Variants in TLN2 observed in about 807,000 individuals in gnomAD.
TLN2 encodes the protein talin-2.
TLN2 carries 118 observed loss-of-function variants against 294.7 expected under a neutral mutation model. That is an observed-to-expected ratio of 0.40 (90% CI 0.34 to 0.47). The LOEUF is 0.47. TLN2 is among the 20% of genes least tolerant of loss of function. The pLI, the probability that TLN2 is intolerant of heterozygous loss-of-function variation, is 0.84. For missense variants in TLN2, 3,083 were observed against 3,282.2 expected, an observed-to-expected ratio of 0.94 and a Z score of 1.48; for synonymous variants, 1,431 against 1,304.5, an observed-to-expected ratio of 1.10 and a Z score of -2.09.
Position 62,805,654 on chromosome 15 carries a change from AG to A in TLN2, c.6534del (p.Met2179Ter). On this transcript the variant is annotated frameshift_variant, in exon 51 of 59. Coordinates refer to ENST00000636159, the MANE Select transcript of TLN2 (RefSeq NM_015059.3). LOFTEE classifies it high-confidence loss of function. The stretch of plus-strand genomic sequence containing the variant: ...GACATCATCACCTGAAGAATCCATA[AG>A]GATGACGAAAGGCATCACCATGGCA... ...EKTSSPEESI[R>X]MTKGITMATA... is the part of the protein sequence containing the mutation. 3.1e-6 allele frequency: 5 copies of A among 1,614,164 alleles called. No homozygotes were observed. Among genetic ancestry groups the A allele is most frequent in the Non-Finnish European group, 4.2e-6 (5 of 1,179,994 alleles).
At chr15:62,418,762 G>A (rs1303801197) in intron 1 of TLN2, among the ~76,000 whole-genome samples, 1 of 152,210 alleles carries the variant, frequency 6.6e-6, no homozygotes, top group East Asian at 1.9e-4. Context: ...CATTCTCAAG[G>A]GTGGGGAGAA....
At chr15:62,625,098 C>T (rs2049162695) in intron 3 of TLN2, among the ~76,000 whole-genome samples, 1 of 152,034 alleles carries the variant, frequency 6.6e-6, no homozygotes, top group African/African-American at 2.4e-5. Flanking sequence ...CTGATGTGAG[C>T]GTATTGGTGG....
At chr15:62,717,378 C>T (rs1339632312) in intron 23 of TLN2, among the ~76,000 whole-genome samples, 198 bp from the exon 24 acceptor site, 1 of 152,154 alleles carries the variant, frequency 6.6e-6, no homozygotes, top group Non-Finnish European at 1.5e-5. Context: ...GTCTTTGTCA[C>T]TTGTCTCAGA....
chr15:62,582,240 ACACACACAT>A (rs2045162690), intron 1 of TLN2, among the ~76,000 whole-genome samples: 1 of 145,048 alleles, frequency 6.9e-6, no homozygotes, highest in Non-Finnish European at 1.5e-5. Context: ...ACACACACAC[ACACACACAT>A]TCATGCCTGA....
At chr15:62,656,496 C>T (rs1029048982) in intron 8 of TLN2, among the ~76,000 whole-genome samples, 1 of 152,200 alleles carries the variant, frequency 6.6e-6, no homozygotes, top group Non-Finnish European at 1.5e-5. Context: ...AATAACCTTT[C>T]ATGTCTTTAC....
At chr15:62,391,336 C>CG (rs2032070146) in intron 1 of TLN2, among the ~76,000 whole-genome samples, 1 of 152,156 alleles carries the variant, frequency 6.6e-6, no homozygotes, top group Non-Finnish European at 1.5e-5. Context: ...CGCTGAGCGA[C>CG]GGGGGCAGTG....
At chr15:62,402,023 A>G (rs904562154) in intron 1 of TLN2, among the ~76,000 whole-genome samples, 1 of 152,218 alleles carries the variant, frequency 6.6e-6, no homozygotes, top group African/African-American at 2.4e-5. Flanking sequence ...CCAAAATGTC[A>G]GTAGTCCCAG....
chr15:62,701,066 C>G (rs1442429635), intron 16 of TLN2, 40 bp from the exon 17 acceptor site: 1 of 1,566,308 alleles, frequency 6.4e-7, no homozygotes, highest in South Asian at 1.1e-5. Flanking sequence ...CTGGGTAATT[C>G]TGTGCTGTGA....
At chr15:62,833,225 G>A (rs1170791538) in intron 54 of TLN2, 2 of 374,596 alleles carry the variant, frequency 5.3e-6, no homozygotes, top group Non-Finnish European at 9.7e-6. Context: ...AACTATTGCT[G>A]TGCCTGGCCA....
intron 3 of TLN2, chr15:62,645,132 A>ATC (rs2051675097): frequency 6.5e-6 from 1 of 153,638 alleles, no homozygotes. Flanking sequence ...TAGTCCATTT[A>ATC]TCTCTAGAGT....
At chr15:62,816,087 C>T (rs558600429) in intron 52 of TLN2, among the ~76,000 whole-genome samples, 1 of 152,342 alleles carries the variant, frequency 6.6e-6, no homozygotes, top group East Asian at 1.9e-4. Context: ...TAGTTAGAAC[C>T]TTTTGGTATT....
intron 30 of TLN2, 49 bp from the exon 31 acceptor site, chr15:62,739,299 C>T: frequency 1.9e-6 from 3 of 1,567,792 alleles, no homozygotes; most frequent in Non-Finnish European, 2.6e-6. Context: ...TTTTATCCCT[C>T]CCCTGCAAAG....
At chr15:62,679,160 A>G (rs2141021446) in intron 11 of TLN2, among the ~76,000 whole-genome samples, 1 of 152,270 alleles carries the variant, frequency 6.6e-6, no homozygotes, top group African/African-American at 2.4e-5. Context: ...TGGAACCCCC[A>G]TAACCTGCTG....
Position 62,836,181 on chromosome 15 carries a change from GCCAGCCCTGT to G in TLN2, c.7374+112_7374+121del, listed in dbSNP as rs1173048593. The G allele has an allele frequency of 8.2e-6, 12 of 1,464,538 alleles. No individual in the cohort carries two copies. The Admixed American group carries it at 2.4e-4, about 29-fold the overall frequency. 90.7% of individuals were successfully genotyped at this position (1,464,538 alleles called of 1,614,324 possible). A position where few individuals can be genotyped will look rare whatever the true frequency, so the allele number is the denominator to read the frequency against. On this transcript the variant is annotated intron_variant, in intron 57 of 58. Coordinates refer to ENST00000636159, the MANE Select transcript of TLN2 (RefSeq NM_015059.3). The stretch of plus-strand genomic sequence containing the variant: ...GCATGACCCACCAGGCCTTCCATCA[GCCAGCCCTGT>G]CCACGTTCCAGCCTCATCTACTGCG...
intron 7 of TLN2, among the ~76,000 whole-genome samples, chr15:62,653,773 C>T (rs951529150): frequency 6.6e-6 from 1 of 151,398 alleles, no homozygotes; most frequent in Non-Finnish European, 1.5e-5. Flanking sequence ...AATTGTAATA[C>T]CATTTCACAT....
chr15:62,695,197 T>C (rs948481434), intron 14 of TLN2, among the ~76,000 whole-genome samples: 4 of 152,194 alleles, frequency 2.6e-5, no homozygotes, highest in Non-Finnish European at 5.9e-5. Flanking sequence ...ACATCCCTTT[T>C]ATGTTAATAG....
At chr15:62,704,610 A>G (rs569604818) in intron 19 of TLN2, among the ~76,000 whole-genome samples, 1 of 152,358 alleles carries the variant, frequency 6.6e-6, no homozygotes, top group South Asian at 2.1e-4. Context: ...GCAATAAGAC[A>G]TTCAATGTAC....
intron 42 of TLN2, among the ~76,000 whole-genome samples, chr15:62,773,976 G>A (rs1311932515): frequency 5.3e-5 from 8 of 151,962 alleles, no homozygotes; most frequent in Non-Finnish European, 8.8e-5. Context: ...GCTCTTCTGC[G>A]GTATTCTCTA....
chr15:62,552,695 T>C (rs2042390365), intron 1 of TLN2, among the ~76,000 whole-genome samples: 1 of 152,230 alleles, frequency 6.6e-6, no homozygotes, highest in South Asian at 2.1e-4. Flanking sequence ...CATTCATACA[T>C]GAGTCACAGT....
Sources: allele counts gnomAD v4.1 joint callset (sites outside exome capture counted in the v4.1 genomes callset), GRCh38; gene constraint gnomAD v4.1.1; transcripts MANE v1.5; gene names NCBI Gene and HGNC (gene_info 2026-07-23, HGNC 2026-07-21).